Variants in MARCHF1 observed in about 807,000 individuals in gnomAD.
The protein encoded by MARCHF1 is E3 ubiquitin-protein ligase MARCHF1.
A neutral mutation model predicts 54.2 loss-of-function variants in MARCHF1; 40 were observed. The observed-to-expected ratio is 0.74, with a 90% CI of 0.57 to 0.96. MARCHF1 has a LOEUF of 0.96. Among genes scored for constraint, MARCHF1 ranks in the 40% least tolerant of loss-of-function variants. The probability of loss-of-function intolerance (pLI) is 0.00; values close to 1 mark genes in which losing one functional copy is unlikely to be tolerated. For missense variants in MARCHF1, 586 were observed against 656.5 expected, an observed-to-expected ratio of 0.89 and a Z score of 1.17; for synonymous variants, 236 against 236.3, an observed-to-expected ratio of 1.00 and a Z score of 0.01.
chr4:163,556,941 T>C (rs4376089), intron 8 of MARCHF1, among the ~76,000 whole-genome samples: 55,431 of 151,804 alleles, frequency 0.37, 11,659 homozygotes, highest in Non-Finnish European at 0.48. Context: ...TCTTAAATTG[T>C]ATACAAAATA....
At chr4:164,144,266 A>T (rs947306285) in intron 1 of MARCHF1, among the ~76,000 whole-genome samples, 3 of 151,632 alleles carry the variant, frequency 2.0e-5, no homozygotes, top group Admixed American at 6.6e-5. Context: ...GATCAATGAG[A>T]CAGAAAGTCA....
At chr4:163,797,849 T>C (rs1051922460) in intron 4 of MARCHF1, among the ~76,000 whole-genome samples, 1 of 152,062 alleles carries the variant, frequency 6.6e-6, no homozygotes, top group African/African-American at 2.4e-5. Context: ...TATTTTTGAG[T>C]CTAAGCCTGC....
intron 1 of MARCHF1, among the ~76,000 whole-genome samples, chr4:164,214,491 G>A (rs1052566829): frequency 1.8e-4 from 28 of 152,072 alleles, no homozygotes; most frequent in African/African-American, 6.7e-4. Flanking sequence ...CTTTTTAAAT[G>A]TCTAATATGA....
At chr4:163,885,856 G>C (rs1460161528) in intron 3 of MARCHF1, among the ~76,000 whole-genome samples, 2 of 150,916 alleles carry the variant, frequency 1.3e-5, no homozygotes, top group Non-Finnish European at 2.9e-5. Context: ...AGTATTACTG[G>C]AGCCCAGGAG....
intron 2 of MARCHF1, among the ~76,000 whole-genome samples, chr4:164,073,951 C>T (rs564657671): frequency 7.2e-5 from 11 of 152,062 alleles, no homozygotes; most frequent in South Asian, 6.2e-4. Flanking sequence ...TTTACAGGCA[C>T]GCACCACCAC....
At chr4:163,628,525 A>G (rs191057520) in intron 5 of MARCHF1, among the ~76,000 whole-genome samples, 2 of 152,360 alleles carry the variant, frequency 1.3e-5, no homozygotes, top group Admixed American at 6.5e-5. Context: ...CCTATTCAAC[A>G]TAGTATTAGA....
rs1220503963 is a variant in MARCHF1 at position 163,663,557 on chromosome 4, G to T, written c.162+37256C>A. ...TCTGCAACATTGCTTGTCTCTAATTGTCTTATTTTCATCTTTGCAATCATG... is the reference window on the plus strand; with the variant it reads ...TCTGCAACATTGCTTGTCTCTAATTTTCTTATTTTCATCTTTGCAATCATG... On this transcript the variant is annotated intron_variant, in intron 5 of 9. Transcript: ENST00000514618. Among the ~76,000 whole-genome samples, 6 of 151,998 alleles carry T rather than the reference G, an allele frequency of 3.9e-5. 1 individual carries two copies. Among genetic ancestry groups the T allele is most frequent in the African/African-American group, 1.4e-4 (6 of 41,482 alleles).
At chr4:163,740,035 C>T (rs531288033) in intron 4 of MARCHF1, among the ~76,000 whole-genome samples, 4 of 152,152 alleles carry the variant, frequency 2.6e-5, no homozygotes, top group Admixed American at 1.3e-4. Flanking sequence ...ATGTAAATTA[C>T]CTGATCATTA....
At chr4:164,142,379 A>G (rs1756568418) in intron 1 of MARCHF1, among the ~76,000 whole-genome samples, 1 of 152,132 alleles carries the variant, frequency 6.6e-6, no homozygotes, top group Non-Finnish European at 1.5e-5. Flanking sequence ...GGGCACAGAC[A>G]AACAAAAAGA....
intron 3 of MARCHF1, among the ~76,000 whole-genome samples, chr4:163,864,435 C>T (rs911428292): frequency 1.3e-5 from 2 of 151,888 alleles, no homozygotes; most frequent in African/African-American, 4.8e-5. Flanking sequence ...GAAACTGTTA[C>T]AGCTAAGTGG....
intron 7 of MARCHF1, among the ~76,000 whole-genome samples, chr4:163,608,794 G>A (rs1363813662): frequency 6.6e-6 from 1 of 151,986 alleles, no homozygotes; most frequent in Non-Finnish European, 1.5e-5. Flanking sequence ...TTGTGGTTGT[G>A]GCTGAGACTG....
At chr4:164,165,631 T>A (rs553028378) in intron 1 of MARCHF1, among the ~76,000 whole-genome samples, 1 of 151,988 alleles carries the variant, frequency 6.6e-6, no homozygotes, top group Non-Finnish European at 1.5e-5. Context: ...AGTTGGTGCC[T>A]GGTGAAGGTA....
intron 3 of MARCHF1, among the ~76,000 whole-genome samples, chr4:163,881,961 C>T (rs1750427409): frequency 1.3e-5 from 2 of 152,156 alleles, no homozygotes; most frequent in Admixed American, 1.3e-4. Context: ...CTAGTGAAAA[C>T]TACAAATAAA....
At chr4:163,710,134 A>G (rs557810077) in intron 4 of MARCHF1, among the ~76,000 whole-genome samples, 2 of 152,092 alleles carry the variant, frequency 1.3e-5, no homozygotes, top group Non-Finnish European at 2.9e-5. Flanking sequence ...AAAGTCTAGC[A>G]ATTGTGACCA....
At chr4:164,310,501 T>A (rs190745216) in intron 1 of MARCHF1, among the ~76,000 whole-genome samples, 112 of 152,046 alleles carry the variant, frequency 7.4e-4, no homozygotes, top group African/African-American at 2.5e-3. Context: ...TTGAGTTTTA[T>A]TGAACTACTA....
chr4:163,629,926 T>C (rs1271579702), intron 5 of MARCHF1, among the ~76,000 whole-genome samples: 3 of 152,190 alleles, frequency 2.0e-5, no homozygotes, highest in African/African-American at 2.4e-5. Context: ...TACCAGTATA[T>C]AACCATTAGA....
chr4:163,919,598 A>G (rs1173807343), intron 3 of MARCHF1, among the ~76,000 whole-genome samples: 3 of 152,068 alleles, frequency 2.0e-5, no homozygotes, highest in African/African-American at 7.2e-5. Context: ...AAGAATTTTA[A>G]AAGATACATT....
intron 1 of MARCHF1, among the ~76,000 whole-genome samples, chr4:164,121,710 C>T (rs930937667): frequency 2.6e-5 from 4 of 152,018 alleles, no homozygotes; most frequent in African/African-American, 9.7e-5. Context: ...TAAAAAGTCT[C>T]CTAGAAAGAA....
Position 164,109,959 on chromosome 4 carries a change from T to TAGAA in MARCHF1, c.-248+1625_-248+1628dup. On this transcript the variant is annotated intron_variant, in intron 2 of 9. Coordinates refer to ENST00000514618, the MANE Select transcript of MARCHF1 (RefSeq NM_001394959.1). ...AAAGAAAATGTAAATTCACCACTGA[T>TAGAA]AGAACTGCACAGGTCATATGCAACA... is the stretch of plus-strand genomic sequence containing the variant. 4.3e-5 allele frequency among the ~76,000 whole-genome samples: 6 copies of TAGAA among 139,694 alleles called. No homozygotes were observed. In the Admixed American group the frequency reaches 4.3e-4, roughly 10 times the overall value. 91.6% of individuals were successfully genotyped at this position (139,694 alleles called of 152,430 possible).
Sources: allele counts gnomAD v4.1 joint callset (sites outside exome capture counted in the v4.1 genomes callset), GRCh38; gene constraint gnomAD v4.1.1; transcripts MANE v1.5; gene names NCBI Gene and HGNC (gene_info 2026-07-23, HGNC 2026-07-21).